Variants in RYR2 observed in about 807,000 individuals in gnomAD.
The protein encoded by RYR2 is ryanodine receptor 2.
RYR2 carries 227 observed loss-of-function variants against 601.1 expected under a neutral mutation model. The observed-to-expected ratio is 0.38, with a 90% CI of 0.34 to 0.42. RYR2 has a LOEUF of 0.42. RYR2 is among the 10% of genes least tolerant of loss of function. The pLI is 1.00. For missense variants in RYR2, 4,646 were observed against 6,156.5 expected, an observed-to-expected ratio of 0.75 and a Z score of 8.21; for synonymous variants, 2,223 against 2,175.1, an observed-to-expected ratio of 1.02 and a Z score of -0.61.
At chr1:237,287,810 G>A (rs994912587) in intron 2 of RYR2, among the ~76,000 whole-genome samples, 1 of 152,074 alleles carries the variant, frequency 6.6e-6, no homozygotes, top group African/African-American at 2.4e-5. Flanking sequence ...TCGTTGTCAG[G>A]TAAATCAGGG....
At chr1:237,148,015 C>T (rs2148795416) in intron 1 of RYR2, among the ~76,000 whole-genome samples, 2 of 152,158 alleles carry the variant, frequency 1.3e-5, no homozygotes, top group Admixed American at 1.3e-4. Context: ...GTCATGTGGT[C>T]GAATCATCTG....
intron 39 of RYR2, 103 bp from the exon 40 acceptor site, chr1:237,625,558 A>T: frequency 8.8e-7 from 1 of 1,142,230 alleles, no homozygotes; most frequent in Non-Finnish European, 1.2e-6. Context: ...TGTTTTTGAC[A>T]TTGTTCTAAG....
chr1:237,346,367 C>CAAAAGAAAAAAAAAA (rs1698312029), intron 3 of RYR2, among the ~76,000 whole-genome samples: 1 of 62,352 alleles, frequency 1.6e-5, no homozygotes, highest in African/African-American at 5.6e-5. Flanking sequence ...GGGTCTACCT[C>CAAAAGAAAAAAAAAA]AAAAAAAAAA....
intron 25 of RYR2, among the ~76,000 whole-genome samples, 179 bp from the exon 26 acceptor site, chr1:237,548,252 A>G (rs1670024885): frequency 6.6e-6 from 1 of 152,194 alleles, no homozygotes. Context: ...GTGGCTTTTC[A>G]TTCTGATCAG....
At chr1:237,706,920 A>G (rs1339414178) in intron 67 of RYR2, 29 bp from the exon 68 acceptor site, 3 of 1,560,450 alleles carry the variant, frequency 1.9e-6, no homozygotes, top group African/African-American at 1.4e-5. Context: ...TTCTTTGAAT[A>G]TCATCCATTT....
At chr1:237,800,334 A>C (rs879291976) in intron 97 of RYR2, among the ~76,000 whole-genome samples, 4 of 152,042 alleles carry the variant, frequency 2.6e-5, no homozygotes, top group Non-Finnish European at 4.4e-5. Context: ...TTATATTGAA[A>C]CCTGTTGTAA....
In RYR2 at chr1:237,367,359, T is replaced by C. The variant is rs138354357; in HGVS notation, c.310-2175T>C. On this transcript the variant is annotated intron_variant, in intron 5 of 104. Transcript: ENST00000366574. The stretch of plus-strand genomic sequence containing the variant: ...CACCTGTCTTGGTCTCCCAAAGTTC[T>C]GGGATTACAAGCGTGAGCCACTGCG... 1.9e-3 allele frequency among the ~76,000 whole-genome samples: 287 copies of C among 152,204 alleles called. 1 individual carries two copies. Among genetic ancestry groups the C allele is most frequent in the African/African-American group, 6.6e-3 (274 of 41,516 alleles).
At chr1:237,605,432 A>G (rs1177101796) in intron 35 of RYR2, among the ~76,000 whole-genome samples, 1 of 152,204 alleles carries the variant, frequency 6.6e-6, no homozygotes, top group East Asian at 1.9e-4. Context: ...TCAAATTAAT[A>G]AGAGCTATTT....
intron 27 of RYR2, among the ~76,000 whole-genome samples, chr1:237,558,938 C>A (rs969828093): frequency 5.3e-5 from 8 of 150,536 alleles, no homozygotes; most frequent in South Asian, 2.1e-4. Context: ...AATTTTTATT[C>A]TTTTTTATAA....
At chr1:237,478,985 AT>A (rs769211788) in intron 17 of RYR2, among the ~76,000 whole-genome samples, 10 of 152,218 alleles carry the variant, frequency 6.6e-5, no homozygotes, top group Non-Finnish European at 1.5e-4. Context: ...GATCTGTAGA[AT>A]TTCAGTGAAA....
chr1:237,223,215 C>G (rs1032336112), intron 1 of RYR2, among the ~76,000 whole-genome samples: 8 of 152,138 alleles, frequency 5.3e-5, no homozygotes, highest in African/African-American at 1.4e-4. Context: ...ATTTATTTAT[C>G]ATAGTTCTCA....
chr1:237,416,814 A>G (rs1307400745), intron 10 of RYR2, among the ~76,000 whole-genome samples: 1 of 152,026 alleles, frequency 6.6e-6, no homozygotes. Context: ...GAAAATGGCA[A>G]GAGAGAATAT....
chr1:237,274,385 AG>A (rs1299122342), intron 2 of RYR2, among the ~76,000 whole-genome samples: 13 of 149,918 alleles, frequency 8.7e-5, no homozygotes, highest in African/African-American at 3.2e-4. Context: ...TTTGAGTCTT[AG>A]TTTTTAACAA....
At chr1:237,275,065 A>G (rs756835938) in intron 2 of RYR2, among the ~76,000 whole-genome samples, 12 of 151,788 alleles carry the variant, frequency 7.9e-5, no homozygotes, top group Non-Finnish European at 1.5e-4. Flanking sequence ...TATATCATCC[A>G]TGGGTGATGC....
At chr1:237,130,710 A>AT (rs1672073477) in intron 1 of RYR2, among the ~76,000 whole-genome samples, 1 of 152,176 alleles carries the variant, frequency 6.6e-6, no homozygotes, top group Non-Finnish European at 1.5e-5. Flanking sequence ...TAAAAAAAAA[A>AT]AAGTCATCTC....
chr1:237,410,160 C>T (rs1704298686), intron 10 of RYR2, among the ~76,000 whole-genome samples: 1 of 152,148 alleles, frequency 6.6e-6, no homozygotes, highest in African/African-American at 2.4e-5. Context: ...GTAAGCTATT[C>T]AGCATTACTG....
intron 1 of RYR2, among the ~76,000 whole-genome samples, chr1:237,052,935 G>A (rs1288967291): frequency 6.6e-6 from 1 of 152,060 alleles, no homozygotes; most frequent in Non-Finnish European, 1.5e-5. Context: ...TGCAACCTCT[G>A]CCTCCCAGCT....
At chr1:237,495,861 G>A (rs780667955) in intron 19 of RYR2, among the ~76,000 whole-genome samples, 5 of 152,130 alleles carry the variant, frequency 3.3e-5, no homozygotes, top group Non-Finnish European at 7.3e-5. Flanking sequence ...TCTGCTCTGA[G>A]TGTCTCAGTT....
intron 2 of RYR2, among the ~76,000 whole-genome samples, chr1:237,328,189 A>G (rs1235084586): frequency 1.3e-5 from 2 of 152,222 alleles, no homozygotes; most frequent in Non-Finnish European, 2.9e-5. Context: ...ACCATTTGAT[A>G]ACATAGCGCC....
Sources: allele counts gnomAD v4.1 joint callset (sites outside exome capture counted in the v4.1 genomes callset), GRCh38; gene constraint gnomAD v4.1.1; transcripts MANE v1.5; gene names NCBI Gene and HGNC (gene_info 2026-07-23, HGNC 2026-07-21).